Variants in ANXA8 observed in about 807,000 individuals in gnomAD.
The protein encoded by ANXA8 is VAC-beta.
ANXA8 carries 9 observed loss-of-function variants against 26.8 expected under a neutral mutation model. The ratio of observed to expected loss-of-function variants is 0.34; its 90% CI spans 0.20 to 0.59. ANXA8 has a LOEUF of 0.59. Ranked by LOEUF, ANXA8 falls within the 20% of genes least tolerant of loss-of-function variation. The probability of loss-of-function intolerance (pLI) is 0.84; values close to 1 mark genes in which losing one functional copy is unlikely to be tolerated. For missense variants in ANXA8, 83 were observed against 238.5 expected (o/e 0.35, Z 4.29); for synonymous variants, 39 against 94.8 (o/e 0.41, Z 3.42).
chr10:47,579,195 A>G, the ANXA8 span, among the ~76,000 whole-genome samples: 1 of 112,450 alleles, frequency 8.9e-6, no homozygotes, highest in Non-Finnish European at 2.0e-5. Flanking sequence ...GCTGGAGTGC[A>G]GTGGCACAAT....
At chr10:47,599,368 A>G in the ANXA8 span, among the ~76,000 whole-genome samples, 1 of 146,430 alleles carries the variant, frequency 6.8e-6, no homozygotes, top group Non-Finnish European at 1.5e-5. Context: ...TGTTTTATAG[A>G]CAAGAGAGGA....
chr10:47,907,657 C>A, the ANXA8 span, among the ~76,000 whole-genome samples: 1 of 142,230 alleles, frequency 7.0e-6, no homozygotes, highest in East Asian at 2.2e-4. Flanking sequence ...AATCCCAGCT[C>A]CTCAGGAGGC....
chr10:47,946,420 G>A, the ANXA8 span, among the ~76,000 whole-genome samples: 6 of 150,636 alleles, frequency 4.0e-5, no homozygotes, highest in Non-Finnish European at 8.8e-5. Context: ...GCAGAGATAT[G>A]AGTGACCGGT....
At chr10:47,477,273 T>C (rs1335527380) in intron 3 of ANXA8, 79 bp from the exon 4 acceptor site, 1 of 1,587,524 alleles carries the variant, frequency 6.3e-7, no homozygotes, top group Non-Finnish European at 8.6e-7. Context: ...GGTGGCTGGG[T>C]CCAGGGGCTT....
At chr10:47,640,150 G>A in the ANXA8 span, among the ~76,000 whole-genome samples, 1 of 134,180 alleles carries the variant, frequency 7.5e-6, no homozygotes. Flanking sequence ...TTACTTGTTG[G>A]TTTTCAAGGT....
the ANXA8 span, among the ~76,000 whole-genome samples, chr10:47,572,103 C>T: frequency 2.1e-5 from 1 of 47,696 alleles, no homozygotes; most frequent in Non-Finnish European, 4.3e-5. Flanking sequence ...TGACACTGAT[C>T]TATGGTTTTC....
At chr10:47,673,615 C>G in the ANXA8 span, among the ~76,000 whole-genome samples, 1 of 151,636 alleles carries the variant, frequency 6.6e-6, no homozygotes, top group Non-Finnish European at 1.5e-5. Context: ...AAACCAAACT[C>G]TGACCGTGGC....
At chr10:47,956,827 G>C in the ANXA8 span, among the ~76,000 whole-genome samples, 1 of 150,164 alleles carries the variant, frequency 6.7e-6, no homozygotes, top group African/African-American at 2.5e-5. Flanking sequence ...TCATTCAGGA[G>C]CAGGGCACTC....
At chr10:47,564,434 GA>G in the ANXA8 span, 2 of 1,210,878 alleles carry the variant, frequency 1.7e-6, no homozygotes, top group Non-Finnish European at 2.3e-6. Context: ...GGCGGTTGCA[GA>G]AGGGCAAGGT....
the ANXA8 span, among the ~76,000 whole-genome samples, chr10:47,700,383 G>C: frequency 6.6e-6 from 1 of 151,940 alleles, no homozygotes; most frequent in African/African-American, 2.4e-5. Flanking sequence ...GACAAAGATA[G>C]TATCTGGAAT....
the ANXA8 span, among the ~76,000 whole-genome samples, chr10:47,566,790 C>G: frequency 7.8e-6 from 1 of 128,540 alleles, no homozygotes; most frequent in South Asian, 2.6e-4. Context: ...CCCAGTCCAG[C>G]CACTGAGTGC....
chr10:47,649,118 A>G, the ANXA8 span, among the ~76,000 whole-genome samples: 1 of 137,854 alleles, frequency 7.3e-6, no homozygotes, highest in Non-Finnish European at 1.5e-5. Flanking sequence ...TTCACTTATT[A>G]TGTATCACTC....
At chr10:47,710,211 T>G in the ANXA8 span, 18 of 1,467,188 alleles carry the variant, frequency 1.2e-5, 1 homozygote. Context: ...TGCATGTTTT[T>G]TTTCCTTAGA....
chr10:47,952,568 T>C, the ANXA8 span, among the ~76,000 whole-genome samples: 3 of 147,174 alleles, frequency 2.0e-5, no homozygotes, highest in Admixed American at 6.7e-5. Flanking sequence ...CTATGAAACA[T>C]TGTGGAGACA....
At chr10:47,901,935 T>C in the ANXA8 span, among the ~76,000 whole-genome samples, 1 of 150,194 alleles carries the variant, frequency 6.7e-6, no homozygotes, top group Non-Finnish European at 1.5e-5. Context: ...TACCATAACT[T>C]TAAGATTTTA....
the ANXA8 span, among the ~76,000 whole-genome samples, chr10:47,669,803 T>C: frequency 1.3e-5 from 2 of 152,118 alleles, no homozygotes; most frequent in Admixed American, 6.5e-5. Context: ...GTATGTTCCA[T>C]CTTCTCTTTA....
the ANXA8 span, among the ~76,000 whole-genome samples, chr10:47,778,884 G>A: frequency 9.1e-5 from 13 of 142,132 alleles, no homozygotes; most frequent in Middle Eastern, 3.5e-3. Flanking sequence ...ATATGATGGC[G>A]GATTTCTGCC....
chr10:47,495,848 A>T, the ANXA8 span, among the ~76,000 whole-genome samples: 1 of 151,440 alleles, frequency 6.6e-6, no homozygotes, highest in East Asian at 1.9e-4. Flanking sequence ...CCAGGGGGGA[A>T]TCTTCACTGT....
the ANXA8 span, among the ~76,000 whole-genome samples, chr10:47,952,609 G>T: frequency 1.4e-5 from 2 of 146,758 alleles, no homozygotes; most frequent in South Asian, 4.2e-4. Flanking sequence ...TAAGAAGTCA[G>T]CTCTCCTGAT....
Sources: allele counts gnomAD v4.1 joint callset (sites outside exome capture counted in the v4.1 genomes callset), GRCh38; gene constraint gnomAD v4.1.1; transcripts MANE v1.5; gene names NCBI Gene and HGNC (gene_info 2026-07-23, HGNC 2026-07-21).